STK3: variants seen among roughly 807,000 people sequenced by gnomAD.
STK3 encodes the protein serine/threonine kinase 3.
In STK3, 41 loss-of-function variants were observed where a neutral mutation model predicts 58.0. The observed-to-expected ratio is 0.71, with a 90% CI of 0.55 to 0.92. STK3 has a LOEUF of 0.92. Ranked by LOEUF, STK3 falls within the 40% of genes least tolerant of loss-of-function variation. The probability of loss-of-function intolerance (pLI) is 0.00; values close to 1 mark genes in which losing one functional copy is unlikely to be tolerated. For synonymous variants in STK3, 170 were observed against 191.0 expected, an observed-to-expected ratio of 0.89 and a Z score of 0.91; for missense variants, 479 against 602.7, an observed-to-expected ratio of 0.79 and a Z score of 2.15.
At chr8:98,630,700 G>A (rs542167297) in intron 6 of STK3, among the ~76,000 whole-genome samples, 225 of 143,160 alleles carry the variant, frequency 1.6e-3, no homozygotes, top group African/African-American at 6.2e-3. Context: ...GAAGAAGGAG[G>A]AGAAGGAGGA....
At chr8:98,704,566 T>TAA (rs202034840) in intron 6 of STK3, among the ~76,000 whole-genome samples, 9 of 140,614 alleles carry the variant, frequency 6.4e-5, no homozygotes, top group East Asian at 2.0e-4. Flanking sequence ...GATTTAGATT[T>TAA]AAAAAAAAAA....
chr8:98,939,845 G>C (rs569894800), intron 1 of STK3, among the ~76,000 whole-genome samples: 1 of 152,242 alleles, frequency 6.6e-6, no homozygotes, highest in Non-Finnish European at 1.5e-5. Context: ...TGGGCGGTTG[G>C]GGCCTTCCCA....
intron 1 of STK3, among the ~76,000 whole-genome samples, chr8:98,916,952 C>T (rs1587844805): frequency 6.6e-6 from 1 of 152,220 alleles, no homozygotes; most frequent in Non-Finnish European, 1.5e-5. Context: ...GGGAAAGAGC[C>T]AATCATGAAC....
intron 8 of STK3, among the ~76,000 whole-genome samples, chr8:98,561,046 GA>G (rs1811975256): frequency 6.6e-6 from 1 of 151,884 alleles, no homozygotes; most frequent in African/African-American, 2.4e-5. Flanking sequence ...AAAAAGAAAA[GA>G]AAAGGAAAAA....
intron 2 of STK3, among the ~76,000 whole-genome samples, 170 bp from the exon 3 acceptor site, chr8:98,767,541 T>TAAG (rs1438296601): frequency 2.0e-5 from 3 of 152,236 alleles, no homozygotes; most frequent in Non-Finnish European, 4.4e-5. Flanking sequence ...AATTATATCT[T>TAAG]AGCTTTATTG....
intron 8 of STK3, among the ~76,000 whole-genome samples, chr8:98,571,063 C>A (rs1405411831): frequency 1.3e-5 from 2 of 152,204 alleles, no homozygotes; most frequent in Non-Finnish European, 2.9e-5. Context: ...GAAACAGTGG[C>A]TCAGGCCTGT....
intron 1 of STK3, among the ~76,000 whole-genome samples, chr8:98,939,544 A>G (rs79147363): frequency 0.091 from 13,894 of 152,276 alleles, 1,138 homozygotes; most frequent in African/African-American, 0.22. Flanking sequence ...TGGAACGTCC[A>G]AGGCAATCTT....
chr8:98,789,731 G>A (rs185965708), intron 1 of STK3, among the ~76,000 whole-genome samples: 11 of 152,140 alleles, frequency 7.2e-5, no homozygotes, highest in East Asian at 1.9e-4. Context: ...TGAACAGATC[G>A]ACAGCAAGCA....
At chr8:98,388,402 T>C (rs1450503623), upstream of STK3, among the ~76,000 whole-genome samples, 1 of 152,222 alleles carries the variant, frequency 6.6e-6, no homozygotes, top group African/African-American at 2.4e-5. Flanking sequence ...CTGACAATAC[T>C]TGAACCCAAT....
intron 8 of STK3, among the ~76,000 whole-genome samples, chr8:98,551,898 A>G (rs893117176): frequency 2.0e-5 from 3 of 152,146 alleles, no homozygotes; most frequent in Non-Finnish European, 1.5e-5. Context: ...GGACCTTTAC[A>G]GTTAGAGAGA....
intron 10 of STK3, among the ~76,000 whole-genome samples, chr8:98,525,680 C>T (rs1182967769): frequency 6.6e-6 from 1 of 151,994 alleles, no homozygotes; most frequent in African/African-American, 2.4e-5. Context: ...TGTTTGCAAG[C>T]TAACCTGTGA....
At chr8:98,527,001 G>A (rs1357391036) in intron 9 of STK3, 84 bp from the exon 10 acceptor site, 2 of 1,196,530 alleles carry the variant, frequency 1.7e-6, no homozygotes, top group Admixed American at 2.9e-5. Flanking sequence ...TTTTTATGAA[G>A]CCATATAATA....
At chr8:98,758,122 A>G (rs1428287690) in intron 3 of STK3, among the ~76,000 whole-genome samples, 1 of 152,236 alleles carries the variant, frequency 6.6e-6, no homozygotes, top group Non-Finnish European at 1.5e-5. Flanking sequence ...GACCACCTGG[A>G]TAAAGCAAAT....
chr8:98,428,740 A>C lies in STK3; in HGVS notation n.483+5387T>G. On this transcript the variant is annotated intron_variant and non_coding_transcript_variant, in intron 3 of 3. Coordinates refer to the STK3 transcript ENST00000517832. The surrounding 1 kb of genome is among the most constrained non-coding windows in gnomAD (Gnocchi z 6.7). ...TTTGCTGTGGCCCCTGACTTCCTCAAGTTCTTCAAGAATGCCCTAAACCTT... is the reference window on the plus strand; with the variant it reads ...TTTGCTGTGGCCCCTGACTTCCTCACGTTCTTCAAGAATGCCCTAAACCTT... 2.5e-6 allele frequency: 4 copies of C among 1,614,196 alleles called. No individual in the cohort carries two copies. Among genetic ancestry groups the C allele is most frequent in the Non-Finnish European group, 3.4e-6 (4 of 1,180,040 alleles).
At chr8:98,746,255 G>A (rs549648118) in intron 4 of STK3, among the ~76,000 whole-genome samples, 9 of 152,034 alleles carry the variant, frequency 5.9e-5, no homozygotes, top group South Asian at 2.1e-4. Context: ...CCTCTATCAC[G>A]TTTTACGCAA....
chr8:98,562,058 TG>T (rs1812079688), intron 8 of STK3, among the ~76,000 whole-genome samples: 1 of 152,132 alleles, frequency 6.6e-6, no homozygotes, highest in Admixed American at 6.6e-5. Flanking sequence ...TCTCATTCCT[TG>T]GTTAGTAGGA....
intron 9 of STK3, among the ~76,000 whole-genome samples, chr8:98,538,999 A>C (rs1458906437): frequency 6.6e-6 from 1 of 152,202 alleles, no homozygotes; most frequent in African/African-American, 2.4e-5. Flanking sequence ...CCTGTAGTTT[A>C]CTGCTGTCAC....
chr8:98,874,607 G>A (rs1018307021), intron 3 of STK3, among the ~76,000 whole-genome samples: 1 of 151,588 alleles, frequency 6.6e-6, no homozygotes, highest in African/African-American at 2.4e-5. Flanking sequence ...ATATATATGT[G>A]CTATCCATCA....
At chr8:98,457,048 C>T (rs908632928) in intron 10 of STK3, among the ~76,000 whole-genome samples, 31 of 152,170 alleles carry the variant, frequency 2.0e-4, no homozygotes, top group African/African-American at 6.5e-4. Context: ...GAAGAGTATG[C>T]AGGCTTCCAT....
Sources: allele counts gnomAD v4.1 joint callset (sites outside exome capture counted in the v4.1 genomes callset), GRCh38; gene constraint gnomAD v4.1.1; non-coding constraint Gnocchi (gnomAD v3.1); transcripts MANE v1.5; gene names NCBI Gene and HGNC (gene_info 2026-07-23, HGNC 2026-07-21).